The following RUFY1 variants were observed in gnomAD, a reference collection of about 807,000 sequenced individuals.
RUFY1 encodes RUN and FYVE domain-containing protein 1.
RUFY1 carries 54 observed loss-of-function variants against 94.6 expected under a neutral mutation model. The observed-to-expected ratio is 0.57, with a 90% CI of 0.46 to 0.72. The LOEUF is 0.72. RUFY1 is among the 30% of genes least tolerant of loss of function. The pLI is 0.00. For missense variants in RUFY1, 883 were observed against 883.9 expected, an observed-to-expected ratio of 1.00 and a Z score of 0.01; for synonymous variants, 396 against 347.3, an observed-to-expected ratio of 1.14 and a Z score of -1.56.
intron 1 of RUFY1, among the ~76,000 whole-genome samples, chr5:179,556,535 C>G (rs1044397819): frequency 6.6e-6 from 1 of 151,326 alleles, no homozygotes; most frequent in African/African-American, 2.4e-5. Context: ...GGGTCTCACT[C>G]TGTTGCCCAG....
chr5:179,569,472 G>A lies in RUFY1; in HGVS notation c.828+47G>A, dbSNP rs759646959. Reference sequence around the variant, plus strand: ...AGATGAACACTTTCGTTAGTCCAGGGACTTTACATAGGATCTGCAAACAGG... The same window carrying A: ...AGATGAACACTTTCGTTAGTCCAGGAACTTTACATAGGATCTGCAAACAGG... On this transcript the variant is annotated intron_variant, in intron 5 of 17. Coordinates refer to ENST00000319449, the MANE Select transcript of RUFY1 (RefSeq NM_025158.5). The A allele has an allele frequency of 1.9e-5, 30 of 1,597,382 alleles. No individual in the cohort carries two copies. In the Admixed American group the frequency reaches 4.3e-4, roughly 23 times the overall value.
chr5:179,576,575 C>G (rs1346946971), intron 5 of RUFY1, among the ~76,000 whole-genome samples: 1 of 152,178 alleles, frequency 6.6e-6, no homozygotes, highest in Non-Finnish European at 1.5e-5. Flanking sequence ...CACCTGCCAC[C>G]ATGCCTGGCT....
At chr5:179,608,424 T>A in intron 17 of RUFY1, 1 of 985,528 alleles carries the variant, frequency 1.0e-6, no homozygotes, top group Non-Finnish European at 1.2e-6. Flanking sequence ...CTACAAGGCC[T>A]GGCTGTCCCC....
intron 5 of RUFY1, among the ~76,000 whole-genome samples, chr5:179,574,934 G>GT (rs1763508579): frequency 6.6e-6 from 1 of 151,498 alleles, no homozygotes; most frequent in Non-Finnish European, 1.5e-5. Flanking sequence ...TTATGATTTG[G>GT]TTTTTTATTA....
chr5:179,586,226 G>A, intron 8 of RUFY1: 3 of 434,898 alleles, frequency 6.9e-6, no homozygotes, highest in Non-Finnish European at 1.4e-5. Flanking sequence ...AGAAAGCACA[G>A]ACTCTGTCAT....
chr5:179,580,444 G>A (rs553366364), intron 6 of RUFY1, among the ~76,000 whole-genome samples: 70 of 151,402 alleles, frequency 4.6e-4, no homozygotes, highest in Non-Finnish European at 7.8e-4. Context: ...GGGTTTCACC[G>A]TGTTAGCCAG....
chr5:179,585,225 A>G (rs1435027422), intron 7 of RUFY1, among the ~76,000 whole-genome samples: 16 of 152,136 alleles, frequency 1.1e-4, no homozygotes, highest in Admixed American at 9.8e-4. Flanking sequence ...CTGCCAACAC[A>G]TTTTGGTTTC....
At chr5:179,600,684 CTTTTTTTTTTTTTTTTTTTT>C (rs398000079) in intron 14 of RUFY1, among the ~76,000 whole-genome samples, 1 of 54,662 alleles carries the variant, frequency 1.8e-5, no homozygotes, top group South Asian at 1.1e-3. Flanking sequence ...ATGATGGTAA[CTTTTTTTTTTTTTTTTTTTT>C]TTTTTTTTTT....
chr5:179,573,036 A>G (rs1256505893), intron 5 of RUFY1, among the ~76,000 whole-genome samples: 1 of 152,218 alleles, frequency 6.6e-6, no homozygotes, highest in African/African-American at 2.4e-5. Context: ...CTAATTTGAA[A>G]TTCCACTTTT....
chr5:179,571,216 G>C (rs1166026121), intron 5 of RUFY1, among the ~76,000 whole-genome samples: 1 of 152,118 alleles, frequency 6.6e-6, no homozygotes, highest in Non-Finnish European at 1.5e-5. Context: ...CAATACTATT[G>C]CTGGGCACAT....
At chr5:179,600,286 G>A (rs1363833896) in intron 14 of RUFY1, among the ~76,000 whole-genome samples, 1 of 152,180 alleles carries the variant, frequency 6.6e-6, no homozygotes, top group Non-Finnish European at 1.5e-5. Context: ...TGCTCCCAGT[G>A]GTCCCAGAAA....
intron 1 of RUFY1, among the ~76,000 whole-genome samples, chr5:179,551,141 G>T (rs1301383197): frequency 6.6e-6 from 1 of 152,192 alleles, no homozygotes; most frequent in Non-Finnish European, 1.5e-5. Flanking sequence ...AAGGACGTGT[G>T]CGCGTCCGGG....
intron 5 of RUFY1, among the ~76,000 whole-genome samples, chr5:179,573,406 A>G (rs918794761): frequency 2.0e-5 from 3 of 152,240 alleles, no homozygotes; most frequent in Non-Finnish European, 4.4e-5. Context: ...AATCATATAC[A>G]TAATAGTATA....
At chr5:179,589,997 G>T (rs1207035217) in intron 9 of RUFY1, among the ~76,000 whole-genome samples, 1 of 152,166 alleles carries the variant, frequency 6.6e-6, no homozygotes, top group Non-Finnish European at 1.5e-5. Context: ...CCATGATACA[G>T]TCCCTTTGCT....
chr5:179,559,097 T>C (rs1014752487), intron 1 of RUFY1, among the ~76,000 whole-genome samples: 1 of 151,808 alleles, frequency 6.6e-6, no homozygotes, highest in Non-Finnish European at 1.5e-5. Flanking sequence ...TCCAAGACAA[T>C]GTAAACGCGC....
rs538267459 is a variant in RUFY1 at position 179,609,409 on chromosome 5, A to C, written c.2017A>C (p.Asn673His). ...CCGGAACTGTGGCCACATCTTCTGC[A>C]ACACCTGCTCCAGCAACGAGCTGGC... ...HCRNCGHIFC[N>H]TCSSNELALP... Residue 673 changes from asparagine to histidine, a missense_variant, in exon 18 of 18, where the codon AAC becomes CAC. Coordinates refer to ENST00000319449, the MANE Select transcript of RUFY1 (RefSeq NM_025158.5). 1.9e-6 allele frequency: 3 copies of C among 1,613,436 alleles called. No individual in the cohort carries two copies. The highest frequency in any genetic ancestry group is 1.7e-5 in the Admixed American group (1 of 59,986).
At chr5:179,604,282 T>C (rs1766792024) in intron 15 of RUFY1, among the ~76,000 whole-genome samples, 1 of 152,122 alleles carries the variant, frequency 6.6e-6, no homozygotes. Flanking sequence ...CTATACCGGA[T>C]GACAGAGATG....
chr5:179,566,584 C>T (rs993300838), intron 3 of RUFY1, among the ~76,000 whole-genome samples: 1 of 149,738 alleles, frequency 6.7e-6, no homozygotes, highest in Non-Finnish European at 1.5e-5. Flanking sequence ...AAGATTGTGC[C>T]ACTGCACTCT....
At chr5:179,558,950 A>G (rs1301655609) in intron 1 of RUFY1, among the ~76,000 whole-genome samples, 1 of 152,250 alleles carries the variant, frequency 6.6e-6, no homozygotes, top group East Asian at 1.9e-4. Flanking sequence ...ATTCAACACG[A>G]AAGTCAATTG....
Sources: gnomAD v4.1 joint callset for allele counts (sites outside exome capture counted in the v4.1 genomes callset) on GRCh38, gnomAD v4.1.1 for gene constraint, MANE v1.5 for transcripts, NCBI Gene and HGNC (gene_info 2026-07-23, HGNC 2026-07-21) for gene names.